Variants in DOCK1 observed in about 807,000 individuals in gnomAD.
DOCK1 encodes the protein dedicator of cytokinesis 1, also known as dedicator of cytokinesis protein 1.
DOCK1 carries 138 observed loss-of-function variants against 262.7 expected under a neutral mutation model. The ratio of observed to expected loss-of-function variants is 0.53; its 90% CI spans 0.46 to 0.61. The LOEUF is 0.61. Among genes scored for constraint, DOCK1 ranks in the 20% least tolerant of loss-of-function variants. The probability of loss-of-function intolerance (pLI) is 0.00; values close to 1 mark genes in which losing one functional copy is unlikely to be tolerated. For missense variants in DOCK1, 1,908 were observed against 2,370.7 expected (o/e 0.80, Z 4.05); for synonymous variants, 866 against 867.4 (o/e 1.00, Z 0.03).
chr10:127,022,403 A>G (rs1185535719), intron 13 of DOCK1, among the ~76,000 whole-genome samples: 3 of 152,000 alleles, frequency 2.0e-5, no homozygotes, highest in African/African-American at 4.8e-5. Flanking sequence ...ATATGTATGC[A>G]TGTGCCATGT....
At chr10:127,320,600 C>T (rs1413303787) in intron 29 of DOCK1, among the ~76,000 whole-genome samples, 1 of 152,108 alleles carries the variant, frequency 6.6e-6, no homozygotes, top group East Asian at 1.9e-4. Context: ...GCAGAGGTGT[C>T]CCAGGGACAG....
intron 1 of DOCK1, among the ~76,000 whole-genome samples, chr10:126,922,309 G>A (rs34372047): frequency 0.19 from 28,519 of 151,602 alleles, 3,086 homozygotes; most frequent in East Asian, 0.36. Flanking sequence ...TTCTGGAGAG[G>A]CATCCGGAAA....
intron 37 of DOCK1, among the ~76,000 whole-genome samples, chr10:127,382,093 T>C (rs2065860178): frequency 6.6e-6 from 1 of 152,130 alleles, no homozygotes; most frequent in African/African-American, 2.4e-5. Context: ...ATTTGAAAAA[T>C]TATGAACTGG....
chr10:127,059,082 C>A (rs1163199190), intron 22 of DOCK1, among the ~76,000 whole-genome samples: 2 of 152,144 alleles, frequency 1.3e-5, no homozygotes, highest in Non-Finnish European at 2.9e-5. Context: ...TATTTTCACT[C>A]ACTATAGCAT....
chr10:127,285,042 G>T (rs1231656624), intron 29 of DOCK1, among the ~76,000 whole-genome samples: 4 of 152,038 alleles, frequency 2.6e-5, no homozygotes, highest in Admixed American at 1.3e-4. Flanking sequence ...GGAGGGTGAG[G>T]CAGGAGGATT....
intron 27 of DOCK1, among the ~76,000 whole-genome samples, chr10:127,167,531 T>C (rs1346313280): frequency 6.6e-6 from 1 of 151,990 alleles, no homozygotes; most frequent in Admixed American, 6.6e-5. Context: ...TTTATGAATA[T>C]TATAAGGCAG....
At chr10:127,070,805 TTCATTATAA>T (rs1327298513) in intron 23 of DOCK1, among the ~76,000 whole-genome samples, 1 of 151,654 alleles carries the variant, frequency 6.6e-6, no homozygotes, top group Non-Finnish European at 1.5e-5. Context: ...CTCAAGATGT[TTCATTATAA>T]TCAACTCCCA....
intron 25 of DOCK1, among the ~76,000 whole-genome samples, chr10:127,118,713 C>G (rs911374798): frequency 6.6e-6 from 1 of 152,194 alleles, no homozygotes; most frequent in Non-Finnish European, 1.5e-5. Flanking sequence ...GCATTTCTAA[C>G]AATTTCAGCC....
At chr10:127,281,745 G>A (rs1257030103) in intron 29 of DOCK1, among the ~76,000 whole-genome samples, 1 of 152,168 alleles carries the variant, frequency 6.6e-6, no homozygotes, top group Non-Finnish European at 1.5e-5. Context: ...TCAAGAGCCA[G>A]GTTCCTTTTG....
At chr10:127,201,407 C>T (rs1020451578) in intron 27 of DOCK1, among the ~76,000 whole-genome samples, 1 of 152,214 alleles carries the variant, frequency 6.6e-6, no homozygotes, top group African/African-American at 2.4e-5. Context: ...TGCCACTCCT[C>T]TGGCTTTCTT....
intron 1 of DOCK1, among the ~76,000 whole-genome samples, chr10:126,910,807 T>A (rs747215117): frequency 1.3e-5 from 2 of 152,108 alleles, no homozygotes; most frequent in Non-Finnish European, 2.9e-5. Flanking sequence ...CTTTAAAGAG[T>A]GTTCCGTTAG....
intron 1 of DOCK1, among the ~76,000 whole-genome samples, chr10:126,948,601 C>A (rs988452300): frequency 6.6e-6 from 1 of 151,896 alleles, no homozygotes; most frequent in Non-Finnish European, 1.5e-5. Flanking sequence ...CAAAATGCTC[C>A]AGGCCACAGA....
In DOCK1 at chr10:127,418,413, A is replaced by G. The variant is rs1197163041; in HGVS notation, c.4564A>G (p.Asn1522Asp). Residue 1522 changes from asparagine (N) to aspartate (D), a missense_variant, in exon 45 of 52, where the codon AAC becomes GAC. Asn to Asp is a conservative substitution (Grantham distance 23). Coordinates refer to ENST00000623213, the MANE Select transcript of DOCK1 (RefSeq NM_001290223.2). ...TGCCATTGAGACCATGCAGCTGACG[A>G]ACGACAAGATCAACAGCATGGTGCA... ...ENAIETMQLT[N>D]DKINSMVQQH... 6.2e-7 allele frequency: 1 copy of G among 1,613,792 alleles called. No homozygotes were observed. Among genetic ancestry groups the G allele is most frequent in the Admixed American group, 1.7e-5 (1 of 59,980 alleles).
intron 36 of DOCK1, 132 bp downstream of exon 36, chr10:127,380,254 A>G (rs2065753294): frequency 2.9e-6 from 2 of 682,046 alleles, no homozygotes; most frequent in South Asian, 2.4e-5. Context: ...TATAAGGTAG[A>G]GTTTGGTGGA....
chr10:127,042,827 T>C (rs1287846091), intron 20 of DOCK1, 113 bp downstream of exon 20: 2 of 1,155,034 alleles, frequency 1.7e-6, no homozygotes, highest in African/African-American at 1.5e-5. Flanking sequence ...CATTTTCAGT[T>C]GTAAATCCAA....
intron 23 of DOCK1, among the ~76,000 whole-genome samples, chr10:127,097,782 C>T (rs960069170): frequency 6.6e-6 from 1 of 152,168 alleles, no homozygotes; most frequent in Non-Finnish European, 1.5e-5. Context: ...GGTAAGTTCA[C>T]TTATAACTTA....
intron 24 of DOCK1, among the ~76,000 whole-genome samples, chr10:127,109,324 T>C (rs1227075560): frequency 6.6e-6 from 1 of 152,236 alleles, no homozygotes; most frequent in African/African-American, 2.4e-5. Context: ...AGAGCTCTTC[T>C]AAAATTTCTT....
chr10:127,250,054 C>G (rs985259291), intron 28 of DOCK1, among the ~76,000 whole-genome samples: 2 of 152,136 alleles, frequency 1.3e-5, no homozygotes, highest in Non-Finnish European at 2.9e-5. Context: ...AAACTACACC[C>G]GACCCCCTGC....
At position 127,346,085 on chromosome 10, in the gene DOCK1, G is replaced by A. The variant is rs570873775; in HGVS notation, c.3224+2339G>A. On this transcript the variant is annotated intron_variant, in intron 31 of 51. Transcript: ENST00000623213. The stretch of plus-strand genomic sequence containing the variant: ...CCACCTGCCCAAGTGTCCAGCGCCC[G>A]CTATTGGGTGAAGCTGGGACCCGAG... Among the ~76,000 whole-genome samples, 296 of 152,324 alleles carry A rather than the reference G, an allele frequency of 1.9e-3. No homozygotes were observed. The Middle Eastern group carries it at 0.037, about 19-fold the overall frequency.
Sources: allele counts gnomAD v4.1 joint callset (sites outside exome capture counted in the v4.1 genomes callset), GRCh38; gene constraint gnomAD v4.1.1; transcripts MANE v1.5; gene names NCBI Gene and HGNC (gene_info 2026-07-23, HGNC 2026-07-21).